Variants in ZNF23 observed in about 807,000 individuals in gnomAD.
ZNF23 encodes kruppel-like zinc finger factor X31.
In ZNF23, 48 loss-of-function variants were observed where a neutral mutation model predicts 56.2. The ratio of observed to expected loss-of-function variants is 0.85; its 90% confidence interval spans 0.68 to 1.09. ZNF23 has a LOEUF of 1.09. Among genes scored for constraint, ZNF23 ranks in the 50% least tolerant of loss-of-function variants. The pLI is 0.00. For synonymous variants in ZNF23, 266 were observed against 283.3 expected (o/e 0.94, Z 0.61); for missense variants, 805 against 811.4 (o/e 0.99, Z 0.10).
intron 2 of ZNF23, among the ~76,000 whole-genome samples, chr16:71,454,905 C>T (rs1346604652): frequency 6.6e-6 from 1 of 152,216 alleles, no homozygotes; most frequent in Non-Finnish European, 1.5e-5. Flanking sequence ...GGCACAAGCT[C>T]CACCACTCAG....
At chr16:71,452,677 C>T (rs762175761) in intron 4 of ZNF23, 1 of 152,356 alleles carries the variant, frequency 6.6e-6, no homozygotes, top group Non-Finnish European at 1.5e-5. Flanking sequence ...ACTGAGCACA[C>T]ATTATAAGCT....
chr16:71,450,827 G>A (rs1347045259), intron 4 of ZNF23: 2 of 292,552 alleles, frequency 6.8e-6, no homozygotes, highest in South Asian at 5.2e-5. Flanking sequence ...TTTCTTCTTA[G>A]TTGTTCCTAT....
chr16:71,448,061 A>G lies in ZNF23; in HGVS notation c.*32T>C, dbSNP rs760497595. The G allele has an allele frequency of 6.6e-7, 1 of 1,523,310 alleles. No individual in the cohort carries two copies. Among genetic ancestry groups the G allele is most frequent in the Non-Finnish European group, 8.8e-7 (1 of 1,132,256 alleles). 94.4% of individuals were successfully genotyped at this position (1,523,310 alleles called of 1,614,324 possible). On this transcript the variant is annotated 3_prime_UTR_variant, in exon 5 of 5. Coordinates refer to ENST00000647773, the MANE Select transcript of ZNF23 (RefSeq NM_001381984.1). ...ATGATACTTGATCCATTTTGGCATT[A>G]ACCTTAAGAGTTTTCTATATCTTTC...
At position 71,448,858 on chromosome 16, in the gene ZNF23, C is replaced by G; in HGVS notation, c.1296G>C (p.Glu432Asp). The change falls in exon 5 of 5, where the codon GAG becomes GAC. Residue 432 changes from glutamate to aspartate, a missense_variant. Coordinates refer to ENST00000647773, the MANE Select transcript of ZNF23 (RefSeq NM_001381984.1). The stretch of plus-strand genomic sequence containing the variant: ...CACATTCAGTGCATTCATAGGGTTT[C>G]TCACCTGTGTGGATTCTCTGATGCT... ...LIQHQRIHTG[E>D]KPYECTECGK... The G allele has an allele frequency of 1.2e-6, 2 of 1,614,214 alleles. No homozygotes were observed. The highest frequency in any genetic ancestry group is 1.7e-6 in the Non-Finnish European group (2 of 1,180,042).
chr16:71,461,073 T>C (rs1030920500), intron 1 of ZNF23, among the ~76,000 whole-genome samples: 2 of 152,144 alleles, frequency 1.3e-5, no homozygotes, highest in African/African-American at 4.8e-5. Flanking sequence ...TTTAAGTACA[T>C]TGCTTACAGA....
chr16:71,449,909 A>T, intron 4 of ZNF23, 24 bp from the exon 5 acceptor site: 1 of 1,533,030 alleles, frequency 6.5e-7, no homozygotes, highest in Non-Finnish European at 8.8e-7. Flanking sequence ...AAAACATAAA[A>T]TGTCATGTAA....
chr16:71,455,336 C>CT (rs1426356996), intron 2 of ZNF23, among the ~76,000 whole-genome samples: 2 of 152,020 alleles, frequency 1.3e-5, no homozygotes, highest in Non-Finnish European at 2.9e-5. Context: ...ACCACAAATC[C>CT]TTTGAGTCTC....
In ZNF23 at chr16:71,450,110, A is replaced by G. The variant is rs1481931792; in HGVS notation, c.269-225T>C. On this transcript the variant is annotated intron_variant, in intron 4 of 4. Coordinates refer to ENST00000647773, the MANE Select transcript of ZNF23 (RefSeq NM_001381984.1). Reference sequence around the variant, plus strand: ...GACGTAAAAAGACATCCAAGATACAATCAAATGGAAAAACAAGTTGAAAAA... The same window carrying G: ...GACGTAAAAAGACATCCAAGATACAGTCAAATGGAAAAACAAGTTGAAAAA... 6.5e-5 allele frequency: 25 copies of G among 385,836 alleles called. No individual in the cohort carries two copies. In the East Asian group the frequency reaches 1.0e-3, roughly 16 times the overall value. The allele number at this position is 385,836 out of a possible 1,614,324, so 23.9% of individuals were successfully genotyped here.
intron 4 of ZNF23, chr16:71,450,674 T>A: frequency 2.3e-6 from 1 of 438,936 alleles, no homozygotes; most frequent in Non-Finnish European, 4.6e-6. Context: ...AGCCAAGTTC[T>A]TGCCACTGCA....
chr16:71,457,577 T>C (rs1392454886), intron 1 of ZNF23, among the ~76,000 whole-genome samples: 1 of 149,272 alleles, frequency 6.7e-6, no homozygotes, highest in Admixed American at 6.7e-5. Context: ...AAAAAAAAAT[T>C]AGCCAGAGGT....
intron 2 of ZNF23, chr16:71,456,035 A>C (rs1567563264): frequency 2.2e-6 from 1 of 456,562 alleles, no homozygotes; most frequent in Non-Finnish European, 4.4e-6. Flanking sequence ...GTAAGCCTCC[A>C]AAGATACAAC....
intron 4 of ZNF23, chr16:71,450,794 C>T (rs1356732237): frequency 2.7e-6 from 1 of 366,350 alleles, no homozygotes; most frequent in African/African-American, 2.2e-5. Flanking sequence ...TTTAATCACA[C>T]CATGCTTTTC....
intron 2 of ZNF23, 34 bp from the exon 3 acceptor site, chr16:71,454,202 A>G (rs1455769498): frequency 1.9e-6 from 3 of 1,601,986 alleles, no homozygotes; most frequent in African/African-American, 2.7e-5. Flanking sequence ...CCTAGGGCCA[A>G]TTCCATAGCT....
intron 3 of ZNF23, 71 bp from the exon 4 acceptor site, chr16:71,453,421 CA>C: frequency 8.4e-7 from 1 of 1,187,132 alleles, no homozygotes; most frequent in South Asian, 1.3e-5. Flanking sequence ...AGCCTCTTCT[CA>C]GACTGTCTCA....
intron 2 of ZNF23, among the ~76,000 whole-genome samples, chr16:71,455,017 G>C (rs572738228): frequency 1.0e-3 from 156 of 152,188 alleles, no homozygotes; most frequent in African/African-American, 3.5e-3. Flanking sequence ...AACAACCATG[G>C]GGGCTCACTG....
At position 71,449,694 on chromosome 16, in the gene ZNF23, T is replaced by G. The variant is rs2042982227; in HGVS notation, c.460A>C (p.Lys154Gln). ...TCCTCCACGGGGCTTGTCTCATCTT[T>G]CACTGTTCCATCAATGGTGTTGCTC... is the stretch of plus-strand genomic sequence containing the variant. The part of the protein sequence containing the change: ...EKSNTIDGTV[K>Q]DETSPVEECF... The change falls in exon 5 of 5, where the codon AAA becomes CAA. Residue 154 changes from lysine (K) to glutamine (Q), a missense_variant. Lys to Gln is a moderately conservative substitution (Grantham distance 53). Coordinates refer to ENST00000647773, the MANE Select transcript of ZNF23 (RefSeq NM_001381984.1). 6.2e-7 allele frequency: 1 copy of G among 1,613,790 alleles called. No individual in the cohort carries two copies. Among genetic ancestry groups the G allele is most frequent in the Non-Finnish European group, 8.5e-7 (1 of 1,180,034 alleles).
intron 2 of ZNF23, chr16:71,456,093 G>A (rs1412952737): frequency 4.4e-6 from 2 of 454,602 alleles, no homozygotes; most frequent in African/African-American, 4.0e-5. Flanking sequence ...GGAAGTCCAT[G>A]GATGAGCTTC....
chr16:71,448,015 GT>G lies in ZNF23; in HGVS notation c.*77del. On this transcript the variant is annotated 3_prime_UTR_variant, in exon 5 of 5. Transcript: ENST00000647773. ...CTGCCATATTCATGCCCTCTTGGAGGTTTTTCAATGGATGAATCTGATGATA... is the reference window on the plus strand; with the variant it reads ...CTGCCATATTCATGCCCTCTTGGAGGTTTTCAATGGATGAATCTGATGATA... 2.4e-6 allele frequency: 3 copies of G among 1,237,778 alleles called. No homozygotes were observed. Among genetic ancestry groups the G allele is most frequent in the Non-Finnish European group, 3.3e-6 (3 of 895,824 alleles). 76.7% of individuals were successfully genotyped at this position (1,237,778 alleles called of 1,614,324 possible).
Position 71,448,697 on chromosome 16 carries a change from G to C in ZNF23, c.1457C>G (p.Thr486Ser), listed in dbSNP as rs1371827585. The C allele has an allele frequency of 1.9e-6, 3 of 1,613,998 alleles. No individual in the cohort carries two copies. Among genetic ancestry groups the C allele is most frequent in the Middle Eastern group, 1.6e-4 (1 of 6,084 alleles). Residue 486 changes from threonine to serine, a missense_variant, in exon 5 of 5, where the codon ACT (threonine) becomes AGT (serine). Thr to Ser is a moderately conservative substitution (Grantham distance 58, BLOSUM62 1). Coordinates refer to ENST00000647773, the MANE Select transcript of ZNF23 (RefSeq NM_001381984.1). Reference sequence around the variant, plus strand: ...ATTACACTCATAGGGCTTCTCCCCAGTGTGAATTCTCAGATGCTGCCGAAA... The same window carrying C: ...ATTACACTCATAGGGCTTCTCCCCACTGTGAATTCTCAGATGCTGCCGAAA... The part of the protein sequence containing the change: ...SQFRQHLRIH[T>S]GEKPYECNEC...
Sources: allele counts gnomAD v4.1 joint callset (sites outside exome capture counted in the v4.1 genomes callset), GRCh38; gene constraint gnomAD v4.1.1; transcripts MANE v1.5; gene names NCBI Gene and HGNC (gene_info 2026-07-23, HGNC 2026-07-21).